Variants in ARIH2 observed in about 807,000 individuals in gnomAD.
The protein encoded by ARIH2 is ariadne RBR E3 ubiquitin protein ligase 2.
In ARIH2, 12 loss-of-function variants were observed where a neutral mutation model predicts 79.8. That is an observed-to-expected ratio of 0.15 (90% confidence interval 0.10 to 0.24). The LOEUF is 0.24. Among genes scored for constraint, ARIH2 ranks in the 10% least tolerant of loss-of-function variants. ARIH2 has a pLI of 1.00. For missense variants in ARIH2, 301 were observed against 618.3 expected, an observed-to-expected ratio of 0.49 and a Z score of 5.44; for synonymous variants, 224 against 213.9, an observed-to-expected ratio of 1.05 and a Z score of -0.41.
intron 2 of ARIH2, among the ~76,000 whole-genome samples, chr3:48,923,632 C>G (rs1048780256): frequency 4.6e-5 from 7 of 151,688 alleles, no homozygotes; most frequent in African/African-American, 1.7e-4. Flanking sequence ...ATCCATTCTC[C>G]TGCTTCAACC....
At chr3:48,974,793 A>G (rs544822550) in intron 9 of ARIH2, 24 bp from the exon 10 acceptor site, 99 of 1,612,094 alleles carry the variant, frequency 6.1e-5, no homozygotes, top group Non-Finnish European at 8.2e-5. Context: ...GTGTGAGCCT[A>G]ATGGCACCCT....
chr3:48,938,175 A>G (rs2087454738), intron 3 of ARIH2, among the ~76,000 whole-genome samples: 1 of 152,160 alleles, frequency 6.6e-6, no homozygotes, highest in Admixed American at 6.5e-5. Flanking sequence ...CATAAATACA[A>G]TGTGGTTTAA....
intron 3 of ARIH2, among the ~76,000 whole-genome samples, chr3:48,956,108 T>TAC (rs1407082342): frequency 1.3e-5 from 2 of 152,062 alleles, no homozygotes; most frequent in Non-Finnish European, 2.9e-5. Context: ...ATCTTCTGTG[T>TAC]ACTATCAACC....
chr3:48,939,757 C>CAAAAAAAAAAA (rs1190260583), intron 3 of ARIH2, among the ~76,000 whole-genome samples: 2 of 43,532 alleles, frequency 4.6e-5, no homozygotes, highest in Non-Finnish European at 1.3e-4. Context: ...GACTCCATCT[C>CAAAAAAAAAAA]AAAAAAAAAA....
intron 2 of ARIH2, among the ~76,000 whole-genome samples, chr3:48,924,371 T>C (rs527292095): frequency 1.2e-4 from 19 of 152,012 alleles, no homozygotes; most frequent in Non-Finnish European, 2.1e-4. Flanking sequence ...ATTATTATTA[T>C]TATTTTTGGA....
intron 3 of ARIH2, among the ~76,000 whole-genome samples, chr3:48,942,331 A>G (rs1223654745): frequency 2.0e-5 from 3 of 152,078 alleles, no homozygotes; most frequent in Non-Finnish European, 4.4e-5. Flanking sequence ...GATTACTGGC[A>G]TGAGCCACTA....
chr3:48,968,738 C>T, intron 7 of ARIH2, 83 bp downstream of exon 7: 3 of 1,533,528 alleles, frequency 2.0e-6, no homozygotes, highest in South Asian at 2.3e-5. Flanking sequence ...ACTTTGTAGA[C>T]TAGGCTGACA....
At chr3:48,930,912 A>G (rs980786418) in intron 3 of ARIH2, among the ~76,000 whole-genome samples, 1 of 152,184 alleles carries the variant, frequency 6.6e-6, no homozygotes, top group African/African-American at 2.4e-5. Flanking sequence ...ATTCTAGTCT[A>G]TGAGTAAAAA....
At chr3:48,930,589 T>C (rs1028754407) in intron 3 of ARIH2, among the ~76,000 whole-genome samples, 4 of 152,190 alleles carry the variant, frequency 2.6e-5, no homozygotes, top group African/African-American at 4.8e-5. Context: ...CCCAAATTCC[T>C]CTACAAGCAT....
intron 3 of ARIH2, among the ~76,000 whole-genome samples, chr3:48,950,637 GC>G (rs771599686): frequency 1.4e-4 from 21 of 152,110 alleles, no homozygotes; most frequent in Non-Finnish European, 2.6e-4. Context: ...TAGCTGTGCT[GC>G]CCGGTATGGT....
At chr3:48,976,501 G>A (rs2092509386) in intron 11 of ARIH2, among the ~76,000 whole-genome samples, 1 of 152,042 alleles carries the variant, frequency 6.6e-6, no homozygotes, top group Admixed American at 6.5e-5. Flanking sequence ...GTGAGCCACC[G>A]CTCCCGGCCC....
intron 3 of ARIH2, among the ~76,000 whole-genome samples, chr3:48,935,114 T>C (rs999159445): frequency 6.6e-6 from 1 of 152,238 alleles, no homozygotes; most frequent in African/African-American, 2.4e-5. Flanking sequence ...TCAGCTCTTG[T>C]CCATATTCAT....
At chr3:48,982,752 G>T in intron 14 of ARIH2, 144 bp from the exon 15 acceptor site, 1 of 652,896 alleles carries the variant, frequency 1.5e-6, no homozygotes, top group Non-Finnish European at 2.7e-6. Context: ...TGGGCACAGG[G>T]AATAACACTA....
intron 1 of ARIH2, among the ~76,000 whole-genome samples, chr3:48,919,555 C>T (rs929773477): frequency 2.0e-5 from 3 of 152,230 alleles, no homozygotes; most frequent in Admixed American, 6.5e-5. Context: ...TCCCATAGAA[C>T]TTTCTGTCAT....
rs1434093291 is a variant in ARIH2 at position 48,920,497 on chromosome 3, T to C, written c.-162+1499T>C. On this transcript the variant is annotated intron_variant, in intron 1 of 15. Transcript: ENST00000356401. Reference sequence around the variant, plus strand: ...GAGAAGCCTGTGAGCAATTTCTTTTTTTTTTTTTTTTTTTGACACGGAGTC... The same window carrying C: ...GAGAAGCCTGTGAGCAATTTCTTTTCTTTTTTTTTTTTTTGACACGGAGTC... Among the ~76,000 whole-genome samples the C allele has an allele frequency of 1.4e-4, 9 of 64,938 alleles. 3 individuals are homozygous for C. The highest frequency in any genetic ancestry group is 2.7e-4 in the Non-Finnish European group (9 of 32,754). 42.6% of individuals were successfully genotyped at this position (64,938 alleles called of 152,430 possible). A position where few individuals can be genotyped will look rare whatever the true frequency, so the allele number is the denominator to read the frequency against.
intron 3 of ARIH2, among the ~76,000 whole-genome samples, chr3:48,932,935 A>G (rs951308101): frequency 2.6e-5 from 4 of 152,160 alleles, no homozygotes; most frequent in South Asian, 2.1e-4. Context: ...GGCAATGGGC[A>G]TGGGAGTGGG....
At chr3:48,976,059 C>CA (rs1490280735) in intron 11 of ARIH2, among the ~76,000 whole-genome samples, 3 of 151,850 alleles carry the variant, frequency 2.0e-5, no homozygotes, top group Non-Finnish European at 4.4e-5. Context: ...TACAGGCACT[C>CA]ACCACCACAC....
chr3:48,934,102 C>T (rs1012918213), intron 3 of ARIH2, among the ~76,000 whole-genome samples: 2 of 151,988 alleles, frequency 1.3e-5, no homozygotes, highest in East Asian at 3.8e-4. Context: ...TAATTTTTCC[C>T]CTCTGTAGAT....
At chr3:48,976,033 C>G (rs1049451812) in intron 11 of ARIH2, among the ~76,000 whole-genome samples, 5 of 151,802 alleles carry the variant, frequency 3.3e-5, no homozygotes, top group African/African-American at 1.2e-4. Flanking sequence ...ACTTCAGCCT[C>G]CTGAGTAGCT....
Sources: gnomAD v4.1 joint callset for allele counts (sites outside exome capture counted in the v4.1 genomes callset) on GRCh38, gnomAD v4.1.1 for gene constraint, MANE v1.5 for transcripts, NCBI Gene and HGNC (gene_info 2026-07-23, HGNC 2026-07-21) for gene names.